Variants in GALNTL6 observed in about 807,000 individuals in gnomAD.
GALNTL6 encodes the protein polypeptide N-acetylgalactosaminyltransferase-like 6.
A neutral mutation model predicts 73.7 loss-of-function variants in GALNTL6; 46 were observed. The ratio of observed to expected loss-of-function variants is 0.62; its 90% CI spans 0.49 to 0.80. GALNTL6 has a LOEUF of 0.80. Among genes scored for constraint, GALNTL6 ranks in the 30% least tolerant of loss-of-function variants. GALNTL6 has a pLI of 0.00. For missense variants in GALNTL6, 604 were observed against 755.0 expected (o/e 0.80, Z 2.34); for synonymous variants, 259 against 263.7 (o/e 0.98, Z 0.17).
At chr4:172,780,116 CT>C (rs750083547) in intron 5 of GALNTL6, among the ~76,000 whole-genome samples, 271 of 144,646 alleles carry the variant, frequency 1.9e-3, no homozygotes, top group African/African-American at 5.4e-3. Context: ...TTATTCTTGG[CT>C]TTTTTTTTTT....
chr4:171,870,552 T>G (rs1218651373), intron 2 of GALNTL6, among the ~76,000 whole-genome samples: 4 of 152,128 alleles, frequency 2.6e-5, no homozygotes, highest in Admixed American at 1.3e-4. Flanking sequence ...TAAGTGTATT[T>G]TTTTTTTGGT....
chr4:172,596,031 T>C (rs1348785317), intron 5 of GALNTL6, among the ~76,000 whole-genome samples: 1 of 152,170 alleles, frequency 6.6e-6, no homozygotes, highest in Non-Finnish European at 1.5e-5. Context: ...ATATAAGTGT[T>C]ATGCAGTTTT....
intron 5 of GALNTL6, among the ~76,000 whole-genome samples, chr4:172,391,721 A>G (rs1024662155): frequency 2.0e-5 from 3 of 152,204 alleles, no homozygotes; most frequent in Admixed American, 1.3e-4. Context: ...GATGACAAAC[A>G]TAATTTCTAA....
At chr4:172,899,548 A>C (rs1485314406) in intron 8 of GALNTL6, among the ~76,000 whole-genome samples, 1 of 152,178 alleles carries the variant, frequency 6.6e-6, no homozygotes, top group Non-Finnish European at 1.5e-5. Flanking sequence ...TACTGATAGT[A>C]CTAATAACTA....
At chr4:172,377,610 G>A (rs901079450) in intron 5 of GALNTL6, among the ~76,000 whole-genome samples, 4 of 152,130 alleles carry the variant, frequency 2.6e-5, no homozygotes, top group African/African-American at 4.8e-5. Context: ...AGGGAGGCTC[G>A]GGCCACACGG....
chr4:172,938,204 T>C (rs1303774652), intron 9 of GALNTL6, among the ~76,000 whole-genome samples: 2 of 152,136 alleles, frequency 1.3e-5, no homozygotes, highest in Admixed American at 6.5e-5. Context: ...TCCTGTGCCA[T>C]CTCCCTGGTG....
intron 2 of GALNTL6, among the ~76,000 whole-genome samples, chr4:172,181,089 T>C (rs1248331313): frequency 6.6e-6 from 1 of 152,150 alleles, no homozygotes; most frequent in Non-Finnish European, 1.5e-5. Context: ...TTCCTATCCA[T>C]GAGAAGGACT....
At chr4:172,138,504 TATATATATA>T (rs1416808187) in intron 2 of GALNTL6, among the ~76,000 whole-genome samples, 11 of 14,348 alleles carry the variant, frequency 7.7e-4, no homozygotes, top group Non-Finnish European at 1.4e-3. Flanking sequence ...TATATATATA[TATATATATA>T]TTTTTTTTTT....
At chr4:172,625,630 A>G (rs1739137632) in intron 5 of GALNTL6, among the ~76,000 whole-genome samples, 1 of 152,124 alleles carries the variant, frequency 6.6e-6, no homozygotes, top group Non-Finnish European at 1.5e-5. Context: ...AAGCTAACTT[A>G]CATTCCCACC....
At chr4:173,032,393 G>C (rs537956687) in intron 12 of GALNTL6, among the ~76,000 whole-genome samples, 1 of 151,958 alleles carries the variant, frequency 6.6e-6, no homozygotes, top group South Asian at 2.1e-4. Flanking sequence ...GGAGCTTGCA[G>C]TGAGCCGAGA....
At chr4:172,990,717 A>G (rs1284113953) in intron 10 of GALNTL6, among the ~76,000 whole-genome samples, 1 of 152,232 alleles carries the variant, frequency 6.6e-6, no homozygotes, top group Non-Finnish European at 1.5e-5. Context: ...CAAAAATCTT[A>G]GTATAGCCAC....
At chr4:172,523,902 A>G (rs1413278499) in intron 5 of GALNTL6, among the ~76,000 whole-genome samples, 2 of 152,180 alleles carry the variant, frequency 1.3e-5, no homozygotes, top group Non-Finnish European at 2.9e-5. Flanking sequence ...AATTTATTAC[A>G]AAAAGAACTA....
At chr4:172,396,977 G>A (rs1399272166) in intron 5 of GALNTL6, among the ~76,000 whole-genome samples, 2 of 152,046 alleles carry the variant, frequency 1.3e-5, no homozygotes, top group South Asian at 2.1e-4. Flanking sequence ...TGTTAATGCA[G>A]ATTTTTTCTA....
intron 2 of GALNTL6, among the ~76,000 whole-genome samples, chr4:172,063,811 A>AT (rs1219893224): frequency 1.3e-5 from 2 of 152,144 alleles, no homozygotes; most frequent in East Asian, 1.9e-4. Flanking sequence ...TTAACAAGAC[A>AT]TTTTTTTAAA....
rs541146834 is a variant in GALNTL6 at position 172,296,410 on chromosome 4, C to T, written c.248-15204C>T. ...TAAGTTTTAGGGTACATGTGCACAA[C>T]GTGCAGGTCAGTTACATATATATAC... On this transcript the variant is annotated intron_variant, in intron 3 of 12. Transcript: ENST00000506823. 5.9e-5 allele frequency among the ~76,000 whole-genome samples: 9 copies of T among 152,200 alleles called. No homozygotes were observed. In the South Asian group the frequency reaches 8.3e-4, roughly 14 times the overall value.
intron 5 of GALNTL6, among the ~76,000 whole-genome samples, chr4:172,558,575 A>G (rs940086161): frequency 1.4e-4 from 22 of 152,180 alleles, no homozygotes; most frequent in Non-Finnish European, 2.5e-4. Context: ...GCAGAAACCA[A>G]CACTGTGGGC....
At chr4:172,199,645 T>C (rs983677241) in intron 2 of GALNTL6, among the ~76,000 whole-genome samples, 6 of 152,320 alleles carry the variant, frequency 3.9e-5, no homozygotes, top group South Asian at 2.1e-4. Flanking sequence ...AATTGAAGAC[T>C]GAAGACATAG....
At chr4:173,039,268 G>A (rs1753810013) in intron 12 of GALNTL6, among the ~76,000 whole-genome samples, 1 of 152,138 alleles carries the variant, frequency 6.6e-6, no homozygotes, top group Non-Finnish European at 1.5e-5. Flanking sequence ...ATCAATAAAG[G>A]GATTGAGAGG....
chr4:171,832,806 G>A (rs1735013565), intron 2 of GALNTL6, among the ~76,000 whole-genome samples: 1 of 151,640 alleles, frequency 6.6e-6, no homozygotes, highest in Admixed American at 6.6e-5. Flanking sequence ...TAAAAGGTAA[G>A]TAGGTCTACA....
Sources: allele counts gnomAD v4.1 joint callset (sites outside exome capture counted in the v4.1 genomes callset), GRCh38; gene constraint gnomAD v4.1.1; transcripts MANE v1.5; gene names NCBI Gene and HGNC (gene_info 2026-07-23, HGNC 2026-07-21).